Variants in DNAH3 observed in about 807,000 individuals in gnomAD.
DNAH3 encodes axonemal beta dynein heavy chain 3.
DNAH3 carries 332 observed loss-of-function variants against 432.5 expected under a neutral mutation model. The observed-to-expected ratio is 0.77, with a 90% CI of 0.70 to 0.84. The LOEUF (loss-of-function observed/expected upper bound fraction) is 0.84, where lower values mean the gene tolerates loss of function less well. Among genes scored for constraint, DNAH3 ranks in the 40% least tolerant of loss-of-function variants. The pLI is 0.00. For synonymous variants in DNAH3, 1,956 were observed against 1,900.2 expected (o/e 1.03, Z -0.76); for missense variants, 4,861 against 5,114.0 (o/e 0.95, Z 1.51).
intron 53 of DNAH3, among the ~76,000 whole-genome samples, chr16:20,963,067 G>T (rs2084895430): frequency 6.6e-6 from 1 of 152,178 alleles, no homozygotes; most frequent in South Asian, 2.1e-4. Flanking sequence ...TAGCAATTCT[G>T]GGCTTACATT....
At chr16:20,944,527 C>T in exon 58 of DNAH3, 4 of 1,614,138 alleles carry the variant, frequency 2.5e-6, no homozygotes, top group Non-Finnish European at 3.4e-6. Flanking sequence ...TCCTGACTGT[C>T]TAGGGAGGGT....
chr16:20,987,814 A>G lies in DNAH3; in HGVS notation c.6761T>C (p.Ile2254Thr), dbSNP rs142089626. 6.8e-6 allele frequency: 11 copies of G among 1,613,990 alleles called. No individual in the cohort carries two copies. The African/African-American group carries it at 1.3e-4, about 20-fold the overall frequency. ...GAAGTTCTCCACTGCATCTCTATAA[A>G]TTGTCTTAGTAGCTTGGACCAGCAT... is the stretch of plus-strand genomic sequence containing the variant. The change falls in exon 46 of 62, where the codon ATT becomes ACT. Residue 2254 changes from isoleucine (I) to threonine (T), a missense_variant. By Grantham distance (89) the Ile-to-Thr change is moderately conservative. Coordinates refer to ENST00000261383, the Ensembl canonical transcript of DNAH3.
intron 14 of DNAH3, among the ~76,000 whole-genome samples, chr16:21,107,862 GTTT>G (rs963425848): frequency 6.8e-6 from 1 of 147,012 alleles, no homozygotes; most frequent in African/African-American, 2.5e-5. Context: ...ATCGTGACAT[GTTT>G]TTTTTTTTCT....
chr16:20,946,767 ACCTG>A (rs776816342), intron 57 of DNAH3, among the ~76,000 whole-genome samples: 3 of 135,014 alleles, frequency 2.2e-5, no homozygotes, highest in Non-Finnish European at 4.8e-5. Flanking sequence ...CCCTCCTTTT[ACCTG>A]CCCCCAAGCA....
intron 21 of DNAH3, among the ~76,000 whole-genome samples, chr16:21,073,109 G>T (rs1020585369): frequency 6.6e-6 from 1 of 152,128 alleles, no homozygotes; most frequent in African/African-American, 2.4e-5. Flanking sequence ...CCTGGGGCAG[G>T]TTTGGTCTTT....
chr16:21,082,264 C>T (rs1019549121), intron 19 of DNAH3, among the ~76,000 whole-genome samples: 3 of 152,046 alleles, frequency 2.0e-5, no homozygotes. Flanking sequence ...GATCATGACT[C>T]ACTGCAGCCT....
intron 54 of DNAH3, among the ~76,000 whole-genome samples, chr16:20,957,451 CA>C (rs756125384): frequency 6.6e-6 from 1 of 151,648 alleles, no homozygotes; most frequent in Non-Finnish European, 1.5e-5. Context: ...GCAAGCTATA[CA>C]AAAAAAACTG....
At chr16:21,140,457 T>C (rs2092704293) in intron 5 of DNAH3, 79 bp downstream of exon 6, 1 of 1,451,246 alleles carries the variant, frequency 6.9e-7, no homozygotes, top group South Asian at 1.3e-5. Flanking sequence ...GATTCTGCTG[T>C]TCTCCCTGAA....
intron 16 of DNAH3, among the ~76,000 whole-genome samples, chr16:21,102,218 G>A (rs1283449147): frequency 1.3e-5 from 2 of 152,108 alleles, no homozygotes; most frequent in African/African-American, 2.4e-5. Flanking sequence ...GGGAACCAGC[G>A]GATGAGATCA....
rs767187417 is a variant in DNAH3 at position 20,985,035 on chromosome 16, TTTC to T, written c.7665+39_7665+41del. ...CCAGAAGAACAAGGGCAAATGGAGTTTTCTTCTTCTTACCGAGGACAATGTGAA... is the reference window on the plus strand; with the variant it reads ...CCAGAAGAACAAGGGCAAATGGAGTTTTCTTCTTACCGAGGACAATGTGAA... On this transcript the variant is annotated intron_variant, in intron 48 of 61. Coordinates refer to ENST00000261383, the Ensembl canonical transcript of DNAH3. 2.9e-5 allele frequency: 46 copies of T among 1,573,684 alleles called. No homozygotes were observed. Among genetic ancestry groups the T allele is most frequent in the Non-Finnish European group, 3.8e-5 (44 of 1,160,546 alleles).
chr16:20,964,527 C>T (rs1349646911), exon 53 of DNAH3: 1 of 1,614,174 alleles, frequency 6.2e-7, no homozygotes, highest in Non-Finnish European at 8.5e-7. Flanking sequence ...TGCCTAACTG[C>T]AGCGCGTTTT....
At chr16:21,048,252 A>G (rs2089797464) in intron 31 of DNAH3, among the ~76,000 whole-genome samples, 2 of 152,192 alleles carry the variant, frequency 1.3e-5, no homozygotes, top group African/African-American at 2.4e-5. Context: ...AGCCTGGGCA[A>G]TGGCGGGCGC....
At chr16:21,111,710 T>C in exon 14 of DNAH3, 1 of 1,614,086 alleles carries the variant, frequency 6.2e-7, no homozygotes. Flanking sequence ...GAGATCATGA[T>C]TTAGGGCCGT....
chr16:21,067,210 G>A (rs2152758715), intron 24 of DNAH3, 73 bp downstream of exon 24: 2 of 1,557,888 alleles, frequency 1.3e-6, no homozygotes, highest in South Asian at 1.1e-5. Flanking sequence ...GCCAACTCTT[G>A]GCATGAAAAA....
intron 21 of DNAH3, among the ~76,000 whole-genome samples, chr16:21,072,024 A>G (rs537823165): frequency 5.3e-5 from 8 of 152,226 alleles, no homozygotes; most frequent in Non-Finnish European, 1.2e-4. Context: ...TACAGCTATT[A>G]GTTTTTCTTT....
chr16:21,085,628 C>T (rs1017749851), intron 19 of DNAH3, among the ~76,000 whole-genome samples: 1 of 151,466 alleles, frequency 6.6e-6, no homozygotes, highest in African/African-American at 2.4e-5. Flanking sequence ...CAGTTCAAGA[C>T]TTTTTGGGAA....
chr16:20,969,698 ACG>A lies in DNAH3; in HGVS notation c.8458+92_8458+93del, dbSNP rs2085244151. ...CTCCAAACTCAGTGATCTTGCCTGC[ACG>A]CCTGCAGTCGACTTGGGGATGCAGT... On this transcript the variant is annotated intron_variant, in intron 52 of 61. Transcript: ENST00000261383. The A allele has an allele frequency of 5.1e-6, 7 of 1,376,456 alleles. No homozygotes were observed. The South Asian group carries it at 7.0e-5, about 14-fold the overall frequency. 85.3% of individuals were successfully genotyped at this position (1,376,456 alleles called of 1,614,324 possible). A position where few individuals can be genotyped will look rare whatever the true frequency, so the allele number is the denominator to read the frequency against.
chr16:21,101,885 G>A (rs938769812), intron 16 of DNAH3, among the ~76,000 whole-genome samples: 4 of 152,262 alleles, frequency 2.6e-5, no homozygotes, highest in African/African-American at 7.2e-5. Flanking sequence ...CAACACTGCA[G>A]ATTGGGCATC....
intron 40 of DNAH3, among the ~76,000 whole-genome samples, chr16:21,020,397 A>ATATATTTT (rs1555530020): frequency 5.8e-5 from 2 of 34,594 alleles, no homozygotes; most frequent in African/African-American, 1.2e-4. Context: ...ATATATATAT[A>ATATATTTT]TTTTTTTTTT....
Sources: gnomAD v4.1 joint callset for allele counts (sites outside exome capture counted in the v4.1 genomes callset) on GRCh38, gnomAD v4.1.1 for gene constraint, MANE v1.5 for transcripts, NCBI Gene and HGNC (gene_info 2026-07-23, HGNC 2026-07-21) for gene names.